Variants in ACVR2A observed in about 807,000 individuals in gnomAD.
ACVR2A encodes activin A receptor type 2A, also known as activin receptor type-2A.
In ACVR2A, 7 loss-of-function variants were observed where a neutral mutation model predicts 61.4. That is an observed-to-expected ratio of 0.11 (90% CI 0.06 to 0.21). The LOEUF is 0.21. Among genes scored for constraint, ACVR2A ranks in the 10% least tolerant of loss-of-function variants. The pLI is 1.00. For missense variants in ACVR2A, 322 were observed against 621.7 expected, an observed-to-expected ratio of 0.52 and a Z score of 5.13; for synonymous variants, 193 against 208.3, an observed-to-expected ratio of 0.93 and a Z score of 0.63.
At chr2:147,867,002 G>T (rs1190739489) in intron 1 of ACVR2A, among the ~76,000 whole-genome samples, 1 of 152,138 alleles carries the variant, frequency 6.6e-6, no homozygotes, top group Non-Finnish European at 1.5e-5. Context: ...GAAGATCAAG[G>T]TGTGTCCAGA....
intron 1 of ACVR2A, among the ~76,000 whole-genome samples, chr2:147,894,666 CCTATTG>C (rs1686684769): frequency 6.6e-6 from 1 of 151,978 alleles, no homozygotes; most frequent in South Asian, 2.1e-4. Context: ...GACACCATCA[CCTATTG>C]CTGATGGTAG....
chr2:147,896,131 A>G (rs960112438), intron 1 of ACVR2A, among the ~76,000 whole-genome samples, 170 bp from the exon 2 acceptor site: 2 of 152,184 alleles, frequency 1.3e-5, no homozygotes, highest in African/African-American at 4.8e-5. Flanking sequence ...TATAATGGCT[A>G]TTTTTATATT....
At chr2:147,845,959 T>C (rs1685301900) in intron 1 of ACVR2A, among the ~76,000 whole-genome samples, 1 of 152,202 alleles carries the variant, frequency 6.6e-6, no homozygotes, top group African/African-American at 2.4e-5. Flanking sequence ...GAACAACCCA[T>C]GTGAAATTGT....
intron 1 of ACVR2A, among the ~76,000 whole-genome samples, chr2:147,857,438 G>A (rs1230852836): frequency 1.3e-5 from 2 of 150,124 alleles, no homozygotes; most frequent in African/African-American, 4.9e-5. Context: ...TAGAACCATT[G>A]AAACGTTATT....
At chr2:147,873,641 A>G (rs1049175998) in intron 1 of ACVR2A, among the ~76,000 whole-genome samples, 6 of 149,574 alleles carry the variant, frequency 4.0e-5, no homozygotes, top group African/African-American at 1.5e-4. Context: ...TCTATAGGAA[A>G]TTATATACTT....
intron 1 of ACVR2A, among the ~76,000 whole-genome samples, chr2:147,885,896 A>T (rs1317087332): frequency 6.6e-6 from 1 of 152,090 alleles, no homozygotes; most frequent in Non-Finnish European, 1.5e-5. Flanking sequence ...TAAAAATTTA[A>T]AAAAAGAACT....
intron 8 of ACVR2A, among the ~76,000 whole-genome samples, chr2:147,922,206 AT>A (rs746673999): frequency 3.3e-5 from 5 of 152,056 alleles, no homozygotes; most frequent in Non-Finnish European, 7.4e-5. Flanking sequence ...ATCTGTCTTT[AT>A]TCTTAAAAAA....
intron 1 of ACVR2A, among the ~76,000 whole-genome samples, chr2:147,889,588 C>CA (rs973721513): frequency 4.7e-5 from 7 of 150,318 alleles, no homozygotes; most frequent in Admixed American, 1.3e-4. Flanking sequence ...ACTAAAAATA[C>CA]AAAAAAAAAT....
At chr2:147,904,129 G>C (rs923313773) in intron 4 of ACVR2A, among the ~76,000 whole-genome samples, 58 of 151,944 alleles carry the variant, frequency 3.8e-4, no homozygotes, top group South Asian at 2.1e-4. Context: ...CATCCTATCT[G>C]TTTTCGTTAC....
intron 5 of ACVR2A, 38 bp from the exon 6 acceptor site, chr2:147,917,245 T>C (rs1190277820): frequency 1.3e-6 from 2 of 1,598,004 alleles, no homozygotes; most frequent in African/African-American, 2.7e-5. Flanking sequence ...TAAACCTGTA[T>C]TCCTTGTGTT....
chr2:147,855,046 A>G (rs935717894), intron 1 of ACVR2A, among the ~76,000 whole-genome samples: 1 of 151,908 alleles, frequency 6.6e-6, no homozygotes, highest in Admixed American at 6.6e-5. Flanking sequence ...ATGCCTGGCT[A>G]ATTTTTGTAT....
intron 1 of ACVR2A, among the ~76,000 whole-genome samples, chr2:147,853,700 A>G (rs1377088173): frequency 6.6e-6 from 1 of 152,132 alleles, no homozygotes; most frequent in East Asian, 1.9e-4. Flanking sequence ...AAAATGAATC[A>G]AGTCTTTACA....
At chr2:147,921,287 G>A (rs1166563460) in intron 8 of ACVR2A, among the ~76,000 whole-genome samples, 1 of 151,898 alleles carries the variant, frequency 6.6e-6, no homozygotes, top group Admixed American at 6.6e-5. Context: ...CTCCCACCTC[G>A]GCCTCCCAAA....
chr2:147,845,355 C>CCCG, intron 1 of ACVR2A, 148 bp downstream of exon 1: 1 of 531,988 alleles, frequency 1.9e-6, no homozygotes, highest in Non-Finnish European at 3.1e-6. Context: ...ACCGCCCCCC[C>CCCG]CCCCCGCCCC....
In ACVR2A at chr2:147,927,288, T is replaced by C. The variant is rs1687526825; in HGVS notation, c.*14T>C. The stretch of plus-strand genomic sequence containing the variant: ...TCTAGTCTATGATGGTTGCGCCATC[T>C]GTGCACACTAAGAAATGGGACTCTG... On this transcript the variant is annotated 3_prime_UTR_variant, in exon 11 of 11. Coordinates refer to ENST00000241416, the MANE Select transcript of ACVR2A (RefSeq NM_001616.5). 4 of 1,597,208 alleles carry C rather than the reference T, an allele frequency of 2.5e-6. No homozygotes were observed. The highest frequency in any genetic ancestry group is 3.4e-6 in the Non-Finnish European group (4 of 1,172,566).
intron 1 of ACVR2A, among the ~76,000 whole-genome samples, chr2:147,894,278 G>A (rs1016990511): frequency 6.6e-6 from 1 of 152,026 alleles, no homozygotes; most frequent in African/African-American, 2.4e-5. Flanking sequence ...AAGTTTTATA[G>A]TAAGTCTTAA....
At position 147,899,446 on chromosome 2, in the gene ACVR2A, G is replaced by T. The variant is rs1182262195; in HGVS notation, c.264-12G>T. ...TATTGATTTTAATTATTTTTTCTCT[G>T]CTTATTTATAGGACTGATTGTGTAG... is the stretch of plus-strand genomic sequence containing the variant. On this transcript the variant is annotated splice_polypyrimidine_tract_variant and intron_variant, in intron 2 of 10. Transcript: ENST00000241416. The T allele has an allele frequency of 6.4e-7, 1 of 1,574,532 alleles. No homozygotes were observed. Among genetic ancestry groups the T allele is most frequent in the Admixed American group, 1.8e-5 (1 of 56,132 alleles).
chr2:147,909,254 A>G (rs533640211), intron 4 of ACVR2A, among the ~76,000 whole-genome samples: 1 of 152,278 alleles, frequency 6.6e-6, no homozygotes, highest in Admixed American at 6.5e-5. Flanking sequence ...CAGATGTTGA[A>G]GGTACTGAAT....
rs1170128691 is a variant in ACVR2A, at chr2:147,929,602, G to C, written c.*2328G>C. The C allele has an allele frequency of 1.3e-5, 2 of 152,328 alleles. No homozygotes were observed. The highest frequency in any genetic ancestry group is 4.8e-5 in the African/African-American group (2 of 41,360). The allele number at this position is 152,328 out of a possible 1,614,324, so 9.4% of individuals were successfully genotyped here. ...AAACTTTTTATAAGCAGTAAAATAA[G>C]AATGTTCCAGTGACTACCTGTCCTT... On this transcript the variant is annotated 3_prime_UTR_variant, in exon 11 of 11. Transcript: ENST00000241416.
Sources: allele counts gnomAD v4.1 joint callset (sites outside exome capture counted in the v4.1 genomes callset), GRCh38; gene constraint gnomAD v4.1.1; transcripts MANE v1.5; gene names NCBI Gene and HGNC (gene_info 2026-07-23, HGNC 2026-07-21).